Variants in ANK2 observed in about 807,000 individuals in gnomAD.
The protein encoded by ANK2 is ankyrin-2.
Under a neutral mutation model 360.5 loss-of-function variants are expected in ANK2, and 83 were observed. The ratio of observed to expected loss-of-function variants is 0.23; its 90% CI spans 0.19 to 0.28. The LOEUF is 0.28. Among genes scored for constraint, ANK2 ranks in the 10% least tolerant of loss-of-function variants. ANK2 has a pLI of 1.00. For synonymous variants in ANK2, 1,740 were observed against 1,759.5 expected (o/e 0.99, Z 0.28); for missense variants, 4,201 against 4,795.7 (o/e 0.88, Z 3.66).
At chr4:113,230,327 T>G (rs1585421426) in intron 4 of ANK2, among the ~76,000 whole-genome samples, 2 of 152,194 alleles carry the variant, frequency 1.3e-5, no homozygotes, top group South Asian at 4.1e-4. Flanking sequence ...GTTTCCACAC[T>G]TATACAATGT....
chr4:113,026,069 A>G (rs796733645), intron 2 of ANK2, among the ~76,000 whole-genome samples: 22 of 152,324 alleles, frequency 1.4e-4, no homozygotes, highest in African/African-American at 5.1e-4. Flanking sequence ...CAAAGCGTAT[A>G]TGGTACATTT....
At chr4:113,025,474 A>G (rs151046835) in intron 2 of ANK2, among the ~76,000 whole-genome samples, 8 of 152,220 alleles carry the variant, frequency 5.3e-5, no homozygotes, top group Non-Finnish European at 1.0e-4. Context: ...AAACAAATGT[A>G]CGTTTCTCTT....
At position 113,340,109 on chromosome 4, in the gene ANK2, G is replaced by A. The variant is rs1399393070; in HGVS notation, c.3893+787G>A. Among the ~76,000 whole-genome samples, 12 of 152,280 alleles carry A rather than the reference G, an allele frequency of 7.9e-5. 2 individuals are homozygous for A. The highest frequency in any genetic ancestry group is 5.2e-4 in the Admixed American group (8 of 15,302). ...ACCCAGAGGCTCAACTATTGAGTCC[G>A]CAGTTCTGTGTTTCAATGTGTTTTG... On this transcript the variant is annotated intron_variant, in intron 32 of 45. Transcript: ENST00000357077.
At chr4:112,783,191 G>A in the ANK2 span, among the ~76,000 whole-genome samples, 1 of 152,230 alleles carries the variant, frequency 6.6e-6, no homozygotes, top group African/African-American at 2.4e-5. Context: ...TTATAGGCGT[G>A]AGCCACCTCG....
intron 1 of ANK2, among the ~76,000 whole-genome samples, chr4:113,140,977 T>TA (rs112473521): frequency 4.0e-4 from 57 of 144,004 alleles, no homozygotes; most frequent in East Asian, 8.0e-4. Flanking sequence ...AAACTCCGTT[T>TA]AAAAAAAAAA....
At chr4:112,784,806 G>C in the ANK2 span, among the ~76,000 whole-genome samples, 7 of 152,092 alleles carry the variant, frequency 4.6e-5, no homozygotes, top group African/African-American at 1.7e-4. Flanking sequence ...AGATTTGATT[G>C]GATTTTATTT....
At chr4:112,725,018 G>T in the ANK2 span, among the ~76,000 whole-genome samples, 2 of 152,136 alleles carry the variant, frequency 1.3e-5, no homozygotes, top group Admixed American at 1.3e-4. Context: ...CGTGGCTCAC[G>T]CCTGTAATCC....
chr4:113,138,181 C>T (rs1243683203), intron 1 of ANK2, among the ~76,000 whole-genome samples: 4 of 152,072 alleles, frequency 2.6e-5, no homozygotes, highest in African/African-American at 9.7e-5. Flanking sequence ...TGAAATAAAA[C>T]CCAAGTGAAT....
Position 112,964,342 on chromosome 4 carries a change from G to C in ANK2, c.21+59828G>C, listed in dbSNP as rs184466754. ...ACCCTCACCCCCACTACCCTTCCCA[G>C]CTGCTGGTAACAATTCTTCTACTCT... On this transcript the variant is annotated intron_variant, in intron 2 of 30. Coordinates refer to the ANK2 transcript ENST00000503271. Among the ~76,000 whole-genome samples, 320 of 148,678 alleles carry C rather than the reference G, an allele frequency of 2.2e-3. 3 individuals carry two copies. Among genetic ancestry groups the C allele is most frequent in the African/African-American group, 7.4e-3 (298 of 40,078 alleles).
chr4:112,788,454 T>C, the ANK2 span: 5 of 1,601,628 alleles, frequency 3.1e-6, no homozygotes, highest in Non-Finnish European at 4.3e-6. Flanking sequence ...ACCAAGGTGG[T>C]GACGGTGTTA....
the ANK2 span, among the ~76,000 whole-genome samples, chr4:112,782,546 T>A: frequency 6.6e-6 from 1 of 152,110 alleles, no homozygotes; most frequent in Non-Finnish European, 1.5e-5. Flanking sequence ...ATATATATTA[T>A]TTTTATCCCC....
rs74970513 is a variant in ANK2 at position 112,848,970 on chromosome 4, G to A, written c.-40+30706G>A. On this transcript the variant is annotated intron_variant, in intron 1 of 30. Transcript: ENST00000503271. ...GAATATAAATAGCAACTGCTGGGCT[G>A]TGAAACAATCTGCAAAATTGCATTT... Among the ~76,000 whole-genome samples the A allele has an allele frequency of 6.5e-3, 992 of 152,364 alleles. 10 individuals are homozygous for A. The highest frequency in any genetic ancestry group is 0.022 in the African/African-American group (919 of 41,578).
the ANK2 span, among the ~76,000 whole-genome samples, chr4:112,804,954 C>A: frequency 1.3e-5 from 2 of 151,958 alleles, no homozygotes; most frequent in Admixed American, 6.6e-5. Flanking sequence ...GAATTGTGAC[C>A]CCTTCTCAAA....
intron 2 of ANK2, among the ~76,000 whole-genome samples, chr4:112,966,505 A>G (rs1235577080): frequency 3.9e-5 from 6 of 152,190 alleles, no homozygotes; most frequent in Admixed American, 6.5e-5. Flanking sequence ...TTAAAATCAT[A>G]TATAAAAATT....
chr4:112,734,343 A>G, the ANK2 span, among the ~76,000 whole-genome samples: 11 of 152,314 alleles, frequency 7.2e-5, no homozygotes, highest in East Asian at 2.1e-3. Context: ...TGAAAATATT[A>G]TCTTTAGCTT....
the ANK2 span, among the ~76,000 whole-genome samples, chr4:112,791,588 ACACC>A: frequency 6.8e-6 from 1 of 146,744 alleles, no homozygotes; most frequent in Non-Finnish European, 1.5e-5. Flanking sequence ...TCCCGGGTTC[ACACC>A]ATTCTCCTGC....
intron 1 of ANK2, chr4:112,880,879 GA>G (rs1453539428): frequency 2.6e-5 from 4 of 152,308 alleles, no homozygotes; most frequent in Non-Finnish European, 5.9e-5. Flanking sequence ...AGGAAAATGG[GA>G]TAATAGAGTC....
chr4:113,338,130 G>A (rs2093788218), intron 31 of ANK2, among the ~76,000 whole-genome samples: 1 of 152,118 alleles, frequency 6.6e-6, no homozygotes, highest in Non-Finnish European at 1.5e-5. Context: ...GTGTCATGTA[G>A]TTATGCTGAG....
At chr4:112,826,941 T>C in intron 1 of ANK2, 1 of 1,539,462 alleles carries the variant, frequency 6.5e-7, no homozygotes. Context: ...AAACTCTGAA[T>C]TGGTTGGCAC....
Sources: allele counts gnomAD v4.1 joint callset (sites outside exome capture counted in the v4.1 genomes callset), GRCh38; gene constraint gnomAD v4.1.1; transcripts MANE v1.5; gene names NCBI Gene and HGNC (gene_info 2026-07-23, HGNC 2026-07-21).